Variants in HS6ST2 observed in about 807,000 individuals in gnomAD.
HS6ST2 encodes the protein heparan sulfate 6-O-sulfotransferase 2, also known as heparan-sulfate 6-O-sulfotransferase 2.
In HS6ST2, 17 loss-of-function variants were observed where a neutral mutation model predicts 33.0. The ratio of observed to expected loss-of-function variants is 0.52; its 90% CI spans 0.35 to 0.77. HS6ST2 has a LOEUF of 0.77. HS6ST2 is among the 30% of genes least tolerant of loss of function. The pLI is 0.01. For missense variants in HS6ST2, 519 were observed against 551.7 expected (o/e 0.94, Z 0.59); for synonymous variants, 248 against 237.1 (o/e 1.05, Z -0.42).
chrX:132,720,325 G>T (rs1386445975), intron 2 of HS6ST2, among the ~76,000 whole-genome samples: 1 of 111,374 alleles, frequency 9.0e-6, no homozygotes, highest in Non-Finnish European at 1.9e-5. Context: ...AGGCAGCTGG[G>T]TTTGTGTAAA....
chrX:132,793,342 G>A (rs1218688693), intron 2 of HS6ST2, among the ~76,000 whole-genome samples: 2 of 110,456 alleles, frequency 1.8e-5, no homozygotes, highest in Middle Eastern at 4.6e-3. Flanking sequence ...ATTACAGCAT[G>A]AGCCACTGCG....
At chrX:132,750,347 G>GAAAA (rs1156312851) in intron 2 of HS6ST2, among the ~76,000 whole-genome samples, 170 of 56,186 alleles carry the variant, frequency 3.0e-3, no homozygotes, top group Non-Finnish European at 4.3e-3. Context: ...TGCCCATCAA[G>GAAAA]AAAAAAAAAA....
intron 4 of HS6ST2, among the ~76,000 whole-genome samples, chrX:132,664,696 C>T (rs1288812502): frequency 1.8e-5 from 2 of 111,978 alleles, no homozygotes; most frequent in African/African-American, 6.5e-5. Flanking sequence ...TTGCTCTGCC[C>T]TGGCCCCATA....
At chrX:132,892,960 C>A (rs2066331774) in intron 2 of HS6ST2, among the ~76,000 whole-genome samples, 1 of 112,447 alleles carries the variant, frequency 8.9e-6, no homozygotes, top group Admixed American at 9.4e-5. Flanking sequence ...AGTTATTACA[C>A]TGTATTGCTT....
intron 3 of HS6ST2, among the ~76,000 whole-genome samples, chrX:132,686,581 G>A (rs1472893526): frequency 9.0e-6 from 1 of 111,606 alleles, no homozygotes; most frequent in Non-Finnish European, 1.9e-5. Context: ...TGAGAAGAGT[G>A]CCACATGCAG....
intron 2 of HS6ST2, among the ~76,000 whole-genome samples, chrX:132,912,811 G>C (rs770612357): frequency 1.9e-4 from 21 of 111,866 alleles, no homozygotes; most frequent in African/African-American, 6.5e-4. Flanking sequence ...ACAGTTTAAA[G>C]CTTGAAAGCC....
intron 2 of HS6ST2, among the ~76,000 whole-genome samples, chrX:132,934,453 A>G (rs907948378): frequency 8.0e-5 from 9 of 112,264 alleles, no homozygotes; most frequent in African/African-American, 2.9e-4. Context: ...GTATAGATGT[A>G]AAATTTATAA....
At chrX:132,913,884 G>A (rs1292412424) in intron 2 of HS6ST2, among the ~76,000 whole-genome samples, 1 of 111,586 alleles carries the variant, frequency 9.0e-6, no homozygotes, top group African/African-American at 3.3e-5. Context: ...TGGGATTGGG[G>A]AATATGTTAC....
chrX:132,681,273 A>T (rs2063968188), intron 3 of HS6ST2, among the ~76,000 whole-genome samples: 2 of 112,173 alleles, frequency 1.8e-5, no homozygotes, highest in Admixed American at 9.5e-5. Context: ...ATTGCAACAA[A>T]AGTTAATTAA....
At chrX:132,790,558 A>G (rs995984414) in intron 2 of HS6ST2, among the ~76,000 whole-genome samples, 1 of 111,790 alleles carries the variant, frequency 8.9e-6, no homozygotes, top group Non-Finnish European at 1.9e-5. Flanking sequence ...AATGGATGAT[A>G]TGTATTCATG....
chrX:132,918,741 C>T (rs1056840631), intron 2 of HS6ST2, among the ~76,000 whole-genome samples: 10 of 111,499 alleles, frequency 9.0e-5, no homozygotes, highest in Non-Finnish European at 1.9e-4. Flanking sequence ...GCCAAACAGT[C>T]ACCCTGTTAA....
chrX:132,709,236 T>C (rs373557226), intron 2 of HS6ST2, among the ~76,000 whole-genome samples: 1 of 112,514 alleles, frequency 8.9e-6, no homozygotes, highest in African/African-American at 3.2e-5. Context: ...GTTGCTAATT[T>C]GAGGGTTCAA....
chrX:132,943,080 GA>G (rs1490333362), intron 2 of HS6ST2, among the ~76,000 whole-genome samples: 1 of 111,684 alleles, frequency 9.0e-6, no homozygotes, highest in Non-Finnish European at 1.9e-5. Flanking sequence ...TTTAAGACGG[GA>G]AAAAAGAGCT....
intron 2 of HS6ST2, among the ~76,000 whole-genome samples, chrX:132,855,143 G>T (rs1351227986): frequency 1.8e-5 from 2 of 111,771 alleles, no homozygotes; most frequent in Admixed American, 1.9e-4. Flanking sequence ...TACTCCAAGG[G>T]GTGAACCTTC....
Position 132,810,581 on chromosome X carries a change from C to T in HS6ST2, c.948-102087G>A, listed in dbSNP as rs1474078882. ...ACCCAGTGACCTCTCTACATCCTTG[C>T]TATTGCCCTCTTTGTACACCCCTCC... On this transcript the variant is annotated intron_variant, in intron 2 of 4. Transcript: ENST00000370833. Among the ~76,000 whole-genome samples, 4 of 111,318 alleles carry T rather than the reference C, an allele frequency of 3.6e-5. No homozygotes were observed. In the South Asian group the frequency reaches 1.6e-3, roughly 43 times the overall value.
intron 2 of HS6ST2, among the ~76,000 whole-genome samples, chrX:132,885,422 GA>G (rs2066239409): frequency 9.0e-6 from 1 of 111,354 alleles, no homozygotes; most frequent in Admixed American, 9.6e-5. Context: ...AATGAAATCG[GA>G]AGTCATGGGT....
At chrX:132,843,418 G>T (rs2065724217) in intron 2 of HS6ST2, among the ~76,000 whole-genome samples, 2 of 111,535 alleles carry the variant, frequency 1.8e-5, no homozygotes, top group African/African-American at 6.5e-5. Context: ...TGACGTGTGT[G>T]TGTTTTTTTA....
intron 4 of HS6ST2, among the ~76,000 whole-genome samples, chrX:132,654,327 T>A (rs192610676): frequency 9.0e-6 from 1 of 111,211 alleles, no homozygotes; most frequent in Non-Finnish European, 1.9e-5. Context: ...CATACTTCAA[T>A]CAACTGGTTT....
At chrX:132,866,889 T>C (rs1351639019) in intron 2 of HS6ST2, among the ~76,000 whole-genome samples, 2 of 107,892 alleles carry the variant, frequency 1.9e-5, no homozygotes, top group Non-Finnish European at 3.8e-5. Flanking sequence ...GCTGAGACGA[T>C]GGGGTTTTCT....
Sources: gnomAD v4.1 joint callset for allele counts (sites outside exome capture counted in the v4.1 genomes callset) on GRCh38, gnomAD v4.1.1 for gene constraint, MANE v1.5 for transcripts, NCBI Gene and HGNC (gene_info 2026-07-23, HGNC 2026-07-21) for gene names.